The following CEP112 variants were observed in gnomAD, a reference collection of about 807,000 sequenced individuals.
CEP112 encodes the protein centrosomal protein of 112 kDa.
In CEP112, 127 loss-of-function variants were observed where a neutral mutation model predicts 153.0. The observed-to-expected ratio is 0.83, with a 90% CI of 0.72 to 0.96. The LOEUF (loss-of-function observed/expected upper bound fraction) is 0.96. Ranked by LOEUF, CEP112 falls within the 40% of genes least tolerant of loss-of-function variation. CEP112 has a pLI of 0.00. For missense variants in CEP112, 1,089 were observed against 1,101.2 expected, an observed-to-expected ratio of 0.99 and a Z score of 0.16; for synonymous variants, 358 against 374.4, an observed-to-expected ratio of 0.96 and a Z score of 0.51.
At chr17:65,764,252 A>G (rs986936056) in intron 21 of CEP112, among the ~76,000 whole-genome samples, 2 of 152,194 alleles carry the variant, frequency 1.3e-5, no homozygotes, top group African/African-American at 2.4e-5. Context: ...TGTTGGATAC[A>G]AAGTTATATA....
chr17:65,723,387 T>C (rs1271433422), intron 23 of CEP112, among the ~76,000 whole-genome samples: 1 of 152,212 alleles, frequency 6.6e-6, no homozygotes, highest in Non-Finnish European at 1.5e-5. Context: ...TATGGAATAA[T>C]TAGTTTTTTA....
In CEP112 at chr17:66,175,166, T is replaced by C; in HGVS notation, c.348A>G (p.Pro116=). Residue 116 remains proline (P), a synonymous_variant, in exon 4 of 27, where the codon CCA becomes CCG. Transcript: ENST00000535342. ...PNPARAKGSS[P]EGLPAWVLGE... ...CCAGTACCCAGGCTGGTAATCCCTC[T>C]GGGCTTGAACCTTTTGCTCGTGCTG... 6.2e-7 allele frequency: 1 copy of C among 1,612,668 alleles called. No individual in the cohort carries two copies. Among genetic ancestry groups the C allele is most frequent in the African/African-American group, 1.3e-5 (1 of 75,012 alleles).
In CEP112 at chr17:65,955,257, C is replaced by T. The variant is rs146855685; in HGVS notation, c.1872+6206G>A. ...TATTAGCCAAGAATTTTGTATCCAG[C>T]GAAAGTAAGCTTTATAAATGAAGAA... On this transcript the variant is annotated intron_variant, in intron 18 of 26. Coordinates refer to ENST00000535342, the MANE Select transcript of CEP112 (RefSeq NM_001199165.4). Among the ~76,000 whole-genome samples, 1,396 of 152,132 alleles carry T rather than the reference C, an allele frequency of 9.2e-3. 6 individuals are homozygous for T. The highest frequency in any genetic ancestry group is 0.015 in the Non-Finnish European group (997 of 67,996).
intron 20 of CEP112, among the ~76,000 whole-genome samples, chr17:65,886,405 T>C (rs375604249): frequency 6.6e-6 from 1 of 152,244 alleles, no homozygotes; most frequent in Non-Finnish European, 1.5e-5. Context: ...TTTTAATTTG[T>C]CAGAGTTTCT....
At chr17:66,062,576 T>A (rs79402228) in intron 11 of CEP112, among the ~76,000 whole-genome samples, 3,796 of 152,152 alleles carry the variant, frequency 0.025, 175 homozygotes, top group African/African-American at 0.087. Flanking sequence ...TAAATTCTAG[T>A]CCATATTATA....
chr17:65,967,162 AC>A (rs1346479923), intron 17 of CEP112, among the ~76,000 whole-genome samples: 2 of 152,350 alleles, frequency 1.3e-5, no homozygotes, highest in East Asian at 3.9e-4. Flanking sequence ...ATGTAGGCTT[AC>A]CCAGAGAGCT....
intron 17 of CEP112, among the ~76,000 whole-genome samples, chr17:65,999,702 C>G (rs7222587): frequency 2.0e-5 from 3 of 152,000 alleles, no homozygotes; most frequent in African/African-American, 7.3e-5. Context: ...TTATTTTTCC[C>G]GATCCTCTCC....
intron 24 of CEP112, among the ~76,000 whole-genome samples, chr17:65,680,303 T>A (rs943632280): frequency 6.6e-6 from 1 of 152,204 alleles, no homozygotes; most frequent in Non-Finnish European, 1.5e-5. Context: ...TTTGTTTTGA[T>A]AAAAGTCTAG....
At chr17:66,034,717 A>C (rs1360342844) in intron 12 of CEP112, among the ~76,000 whole-genome samples, 1 of 152,062 alleles carries the variant, frequency 6.6e-6, no homozygotes, top group Non-Finnish European at 1.5e-5. Flanking sequence ...AAAATGATAG[A>C]CATTGAAGCA....
At chr17:66,152,608 C>T (rs1029170381) in intron 4 of CEP112, among the ~76,000 whole-genome samples, 3 of 151,972 alleles carry the variant, frequency 2.0e-5, no homozygotes, top group Admixed American at 6.6e-5. Context: ...TTGTGAAGAT[C>T]GAAAAGATAA....
chr17:65,906,266 G>GC (rs1461050704), intron 19 of CEP112, among the ~76,000 whole-genome samples: 1 of 91,734 alleles, frequency 1.1e-5, no homozygotes, highest in African/African-American at 4.8e-5. Context: ...GGGGCCTGTC[G>GC]GGGGGGTAGG....
intron 6 of CEP112, among the ~76,000 whole-genome samples, chr17:66,124,834 G>C (rs980243667): frequency 1.1e-4 from 16 of 152,094 alleles, no homozygotes; most frequent in African/African-American, 3.9e-4. Flanking sequence ...CAGTTGGTTT[G>C]CTTTTTGTAT....
intron 20 of CEP112, among the ~76,000 whole-genome samples, chr17:65,874,972 C>T (rs1267208929): frequency 6.6e-6 from 1 of 152,028 alleles, no homozygotes; most frequent in Non-Finnish European, 1.5e-5. Context: ...TGATACTTAT[C>T]CTTGTCTTCT....
intron 8 of CEP112, among the ~76,000 whole-genome samples, chr17:66,072,300 A>G (rs901570236): frequency 2.6e-5 from 4 of 152,266 alleles, no homozygotes; most frequent in African/African-American, 7.2e-5. Flanking sequence ...TAACACAATG[A>G]TATTATCTAC....
At chr17:66,185,708 C>T (rs1454919576) in intron 1 of CEP112, among the ~76,000 whole-genome samples, 1 of 152,084 alleles carries the variant, frequency 6.6e-6, no homozygotes, top group Admixed American at 6.5e-5. Context: ...TGTGAAATGT[C>T]CTGATAGGGA....
At chr17:65,831,282 G>T (rs1049998553) in intron 21 of CEP112, among the ~76,000 whole-genome samples, 1 of 152,220 alleles carries the variant, frequency 6.6e-6, no homozygotes, top group Non-Finnish European at 1.5e-5. Context: ...ATCAGGCCAG[G>T]CGCAGTGGCT....
intron 2 of CEP112, chr17:66,182,509 G>A (rs2072760845): frequency 6.6e-6 from 1 of 152,192 alleles, no homozygotes; most frequent in South Asian, 2.1e-4. Flanking sequence ...ATAGTTTCTT[G>A]GTCCCACTCC....
chr17:66,054,463 T>G (rs928087675), intron 11 of CEP112, among the ~76,000 whole-genome samples: 2 of 152,222 alleles, frequency 1.3e-5, no homozygotes, highest in African/African-American at 4.8e-5. Context: ...ACAGAGGTCT[T>G]TATTTATAAA....
At chr17:65,741,886 G>A (rs76302531) in intron 23 of CEP112, among the ~76,000 whole-genome samples, 1 of 150,078 alleles carries the variant, frequency 6.7e-6, no homozygotes, top group Non-Finnish European at 1.5e-5. Flanking sequence ...AAAAAAACTT[G>A]AAAGATGTTT....
Sources: gnomAD v4.1 joint callset for allele counts (sites outside exome capture counted in the v4.1 genomes callset) on GRCh38, gnomAD v4.1.1 for gene constraint, MANE v1.5 for transcripts, NCBI Gene and HGNC (gene_info 2026-07-23, HGNC 2026-07-21) for gene names.